Variants in TMEM177 observed in about 807,000 individuals in gnomAD.
The protein encoded by TMEM177 is transmembrane protein 177.
In TMEM177, 4 loss-of-function variants were observed where a neutral mutation model predicts 14.2. That is an observed-to-expected ratio of 0.28 (90% CI 0.14 to 0.64). TMEM177 has a LOEUF of 0.64. Among genes scored for constraint, TMEM177 ranks in the 30% least tolerant of loss-of-function variants. The pLI, the probability that TMEM177 is intolerant of heterozygous loss-of-function variation, is 0.82. For synonymous variants in TMEM177, 179 were observed against 174.5 expected (o/e 1.03, Z -0.20); for missense variants, 344 against 405.2 (o/e 0.85, Z 1.30).
the TMEM177 span, among the ~76,000 whole-genome samples, chr2:119,706,013 A>ATATAT: frequency 1.1e-3 from 148 of 130,090 alleles, 2 homozygotes; most frequent in Non-Finnish European, 1.9e-3. Context: ...ATTATATATT[A>ATATAT]TATATATTTA....
chr2:119,715,483 A>G, the TMEM177 span, among the ~76,000 whole-genome samples: 1 of 152,172 alleles, frequency 6.6e-6, no homozygotes, highest in Middle Eastern at 3.4e-3. Context: ...ATTTGCATTC[A>G]TCTCCTCACC....
At chr2:119,691,367 G>A (rs1011793278), downstream of TMEM177, among the ~76,000 whole-genome samples, 9 of 152,266 alleles carry the variant, frequency 5.9e-5, no homozygotes, top group African/African-American at 2.2e-4. Flanking sequence ...TAAAGCCTGA[G>A]GAAACGGAGC....
At chr2:119,711,397 G>A in the TMEM177 span, among the ~76,000 whole-genome samples, 3 of 152,112 alleles carry the variant, frequency 2.0e-5, no homozygotes, top group Non-Finnish European at 4.4e-5. Flanking sequence ...GGATAATAAT[G>A]CCTTCTTGCT....
chr2:119,703,725 C>T, the TMEM177 span, among the ~76,000 whole-genome samples: 3 of 152,136 alleles, frequency 2.0e-5, no homozygotes, highest in Admixed American at 1.3e-4. Flanking sequence ...CCACAGGAGA[C>T]ACCAGCAGAA....
downstream of TMEM177, chr2:119,686,566 A>G (rs147344356): frequency 6.6e-6 from 1 of 151,586 alleles, no homozygotes; most frequent in African/African-American, 2.4e-5. Context: ...CTTTACACCT[A>G]CTCTACAGGG....
chr2:119,681,332 A>G lies in TMEM177; in HGVS notation c.479A>G (p.Tyr160Cys). 4 of 1,614,198 alleles carry G rather than the reference A, an allele frequency of 2.5e-6. No individual in the cohort carries two copies. The highest frequency in any genetic ancestry group is 3.4e-6 in the Non-Finnish European group (4 of 1,180,034). The change falls in exon 2 of 2, where the codon TAC becomes TGC. Residue 160 changes from tyrosine to cysteine, a missense_variant. Transcript: ENST00000272521. ...TTCGCCTTGGCCAGGGAAGTGGTGT[A>G]CCTGGAAAGCAGTACCACTGCCGTG... is the stretch of plus-strand genomic sequence containing the variant. The part of the protein sequence containing the change: ...QKFALAREVV[Y>C]LESSTTAVHA...
At chr2:119,719,061 G>A in the TMEM177 span, among the ~76,000 whole-genome samples, 1 of 152,150 alleles carries the variant, frequency 6.6e-6, no homozygotes, top group Non-Finnish European at 1.5e-5. Flanking sequence ...ACCACACTTT[G>A]AGCCTCAAAT....
At chr2:119,694,154 A>C in the TMEM177 span, among the ~76,000 whole-genome samples, 1 of 68,372 alleles carries the variant, frequency 1.5e-5, no homozygotes, top group Admixed American at 1.4e-4. Context: ...TACCACACAC[A>C]TGCAACGTGC....
At chr2:119,702,888 A>G in the TMEM177 span, among the ~76,000 whole-genome samples, 1 of 152,222 alleles carries the variant, frequency 6.6e-6, no homozygotes, top group Non-Finnish European at 1.5e-5. Flanking sequence ...TGGATGCTCA[A>G]AGCCCTGTGG....
Position 119,681,708 on chromosome 2 carries a change from A to T in TMEM177, c.855A>T (p.Arg285=), listed in dbSNP as rs1347863343. 6.2e-7 allele frequency: 1 copy of T among 1,614,164 alleles called. No homozygotes were observed. The highest frequency in any genetic ancestry group is 1.7e-5 in the Admixed American group (1 of 60,022). Residue 285 remains arginine, a synonymous_variant, in exon 2 of 2, where the codon CGA becomes CGT. Coordinates refer to ENST00000272521, the MANE Select transcript of TMEM177 (RefSeq NM_030577.3). The part of the protein sequence containing the change: ...SGNIVPRHLF[R]IKHLPYTTRR... Reference sequence around the variant, plus strand: ...ACATCGTCCCCAGACACTTGTTCCGAATCAAACATTTACCCTACACCACCC... The same window carrying T: ...ACATCGTCCCCAGACACTTGTTCCGTATCAAACATTTACCCTACACCACCC...
chr2:119,679,804 T>C (rs1688848451), intron 1 of TMEM177, among the ~76,000 whole-genome samples: 1 of 152,216 alleles, frequency 6.6e-6, no homozygotes, highest in Non-Finnish European at 1.5e-5. Context: ...TTGTCTACTT[T>C]GGTATATGCT....
At chr2:119,693,772 G>A in the TMEM177 span, among the ~76,000 whole-genome samples, 5 of 150,846 alleles carry the variant, frequency 3.3e-5, no homozygotes, top group African/African-American at 1.2e-4. Flanking sequence ...CATGACCGCT[G>A]CCCACCAGCT....
At chr2:119,720,343 C>T in the TMEM177 span, among the ~76,000 whole-genome samples, 17 of 151,762 alleles carry the variant, frequency 1.1e-4, no homozygotes, top group African/African-American at 4.1e-4. Context: ...GGCGCAATCT[C>T]GGCTCACCGC....
chr2:119,715,625 G>A, the TMEM177 span, among the ~76,000 whole-genome samples: 2 of 152,170 alleles, frequency 1.3e-5, no homozygotes, highest in East Asian at 1.9e-4. Flanking sequence ...GGCCCTGTGA[G>A]AGCACCATGG....
chr2:119,712,118 A>G, the TMEM177 span, among the ~76,000 whole-genome samples: 1 of 151,556 alleles, frequency 6.6e-6, no homozygotes, highest in African/African-American at 2.4e-5. Context: ...GCGTTAAGGC[A>G]CCCCTTGATG....
intron 1 of TMEM177, among the ~76,000 whole-genome samples, chr2:119,680,092 CTCT>C (rs772923079): frequency 6.6e-5 from 10 of 152,144 alleles, no homozygotes; most frequent in Non-Finnish European, 1.5e-4. Context: ...GCATCCTAAT[CTCT>C]TCTTATAAGT....
chr2:119,720,186 T>C, the TMEM177 span, among the ~76,000 whole-genome samples: 38 of 152,134 alleles, frequency 2.5e-4, no homozygotes, highest in Non-Finnish European at 4.7e-4. Context: ...TTACTAACAG[T>C]GCCATGCTGA....
chr2:119,700,993 T>G, the TMEM177 span, among the ~76,000 whole-genome samples: 1 of 152,178 alleles, frequency 6.6e-6, no homozygotes, highest in African/African-American at 2.4e-5. Flanking sequence ...TCTTCTCTGA[T>G]TCGCCACAGG....
downstream of TMEM177, among the ~76,000 whole-genome samples, chr2:119,686,847 C>T (rs183815544): frequency 1.1e-4 from 16 of 152,176 alleles, 1 homozygote; most frequent in African/African-American, 3.9e-4. Context: ...GGATTACAGG[C>T]GTGAGTCACT....
Sources: gnomAD v4.1 joint callset for allele counts (sites outside exome capture counted in the v4.1 genomes callset) on GRCh38, gnomAD v4.1.1 for gene constraint, MANE v1.5 for transcripts, NCBI Gene and HGNC (gene_info 2026-07-23, HGNC 2026-07-21) for gene names.